Variants in SYTL5 observed in about 807,000 individuals in gnomAD.
The protein encoded by SYTL5 is synaptotagmin like 5.
SYTL5 carries 34 observed loss-of-function variants against 55.9 expected under a neutral mutation model. The observed-to-expected ratio is 0.61, with a 90% CI of 0.46 to 0.81. SYTL5 has a LOEUF of 0.81. Among genes scored for constraint, SYTL5 ranks in the 30% least tolerant of loss-of-function variants. The pLI is 0.00. For synonymous variants in SYTL5, 221 were observed against 188.7 expected (o/e 1.17, Z -1.40); for missense variants, 637 against 546.7 (o/e 1.17, Z -1.65).
At chrX:37,897,000 G>T in the SYTL5 span, among the ~76,000 whole-genome samples, 1 of 111,712 alleles carries the variant, frequency 9.0e-6, no homozygotes, top group Non-Finnish European at 1.9e-5. Flanking sequence ...AAATAACTTT[G>T]TCAGGGAAGG....
chrX:38,031,686 A>T (rs965563851), intron 1 of SYTL5, among the ~76,000 whole-genome samples: 13 of 112,159 alleles, frequency 1.2e-4, no homozygotes, highest in African/African-American at 9.7e-5. Context: ...TTTCCATTTC[A>T]TCACAATACC....
At chrX:37,988,772 A>G in the SYTL5 span, among the ~76,000 whole-genome samples, 1 of 112,140 alleles carries the variant, frequency 8.9e-6, no homozygotes, top group Middle Eastern at 4.6e-3. Context: ...TAGTAACATA[A>G]TATCAGAAAA....
intron 9 of SYTL5, among the ~76,000 whole-genome samples, chrX:38,096,809 T>C (rs1012938123): frequency 9.0e-6 from 1 of 111,377 alleles, no homozygotes; most frequent in South Asian, 3.7e-4. Context: ...ATGGTATTGA[T>C]AGTTTTTCCA....
intron 2 of SYTL5, among the ~76,000 whole-genome samples, chrX:38,050,193 A>G (rs1385046717): frequency 8.9e-6 from 1 of 112,356 alleles, no homozygotes; most frequent in Non-Finnish European, 1.9e-5. Flanking sequence ...TAAAATTCCT[A>G]TCTTATTTGG....
At chrX:38,042,273 TG>T (rs1319228057) in intron 2 of SYTL5, among the ~76,000 whole-genome samples, 1 of 110,240 alleles carries the variant, frequency 9.1e-6, no homozygotes, top group Non-Finnish European at 1.9e-5. Flanking sequence ...CAGTATAGGC[TG>T]GGGATTGGTT....
chrX:38,107,704 T>C (rs1937253613), intron 11 of SYTL5, among the ~76,000 whole-genome samples: 1 of 111,421 alleles, frequency 9.0e-6, no homozygotes, highest in African/African-American at 3.3e-5. Flanking sequence ...TTCTGCACAA[T>C]AGATGACCTA....
At chrX:38,091,957 G>A (rs1381054324) in intron 7 of SYTL5, among the ~76,000 whole-genome samples, 1 of 111,421 alleles carries the variant, frequency 9.0e-6, no homozygotes, top group African/African-American at 3.3e-5. Flanking sequence ...TCTCATTCTT[G>A]CAATCTAGCT....
At chrX:38,086,223 T>C (rs1258146081) in intron 6 of SYTL5, among the ~76,000 whole-genome samples, 1 of 111,288 alleles carries the variant, frequency 9.0e-6, no homozygotes, top group African/African-American at 3.3e-5. Context: ...ATGTTTTTCA[T>C]AGGTAAGAAA....
chrX:37,905,237 AGG>A, the SYTL5 span, among the ~76,000 whole-genome samples: 57 of 110,670 alleles, frequency 5.2e-4, no homozygotes, highest in African/African-American at 1.8e-3. Context: ...TCCAAGACCC[AGG>A]GGGGATATGA....
chrX:37,929,446 T>G, the SYTL5 span, among the ~76,000 whole-genome samples: 1 of 112,402 alleles, frequency 8.9e-6, no homozygotes, highest in Non-Finnish European at 1.9e-5. Flanking sequence ...TACCCTCTGT[T>G]TACCACAAAG....
At chrX:38,029,355 C>T (rs2224286) in intron 1 of SYTL5, among the ~76,000 whole-genome samples, 25,988 of 111,617 alleles carry the variant, frequency 0.23, 5,336 homozygotes, top group African/African-American at 0.66. Flanking sequence ...TTACCAAAAA[C>T]GCATTTCAGT....
intron 15 of SYTL5, among the ~76,000 whole-genome samples, chrX:38,122,736 G>A (rs1159897318): frequency 8.9e-6 from 1 of 112,178 alleles, no homozygotes; most frequent in Non-Finnish European, 1.9e-5. Context: ...GCAAAGGGCA[G>A]CTTCCTGAGG....
chrX:37,994,004 C>A, the SYTL5 span, among the ~76,000 whole-genome samples: 20 of 111,121 alleles, frequency 1.8e-4, no homozygotes, highest in African/African-American at 6.6e-4. Context: ...CTAGGGTGAC[C>A]AGGTTCCTCT....
intron 3 of SYTL5, among the ~76,000 whole-genome samples, chrX:38,071,829 T>C (rs1252622629): frequency 8.9e-6 from 1 of 112,147 alleles, no homozygotes; most frequent in African/African-American, 3.2e-5. Context: ...GGTTGCTATG[T>C]GGATAAAAAT....
At chrX:37,958,145 G>T in the SYTL5 span, among the ~76,000 whole-genome samples, 5 of 108,829 alleles carry the variant, frequency 4.6e-5, no homozygotes, top group Admixed American at 9.8e-5. Context: ...GGAGGCGAAG[G>T]TTACAGTGAG....
chrX:38,013,955 A>G (rs776759824), intron 1 of SYTL5, among the ~76,000 whole-genome samples: 94 of 111,227 alleles, frequency 8.5e-4, no homozygotes, highest in African/African-American at 2.9e-3. Flanking sequence ...CACAGGAGCC[A>G]GGTAGCATCA....
chrX:37,960,507 T>A, the SYTL5 span, among the ~76,000 whole-genome samples: 4 of 111,969 alleles, frequency 3.6e-5, no homozygotes, highest in African/African-American at 6.5e-5. Flanking sequence ...TGAACATAGT[T>A]CAGCCAAGAT....
the SYTL5 span, among the ~76,000 whole-genome samples, chrX:37,956,900 C>G: frequency 8.9e-6 from 1 of 111,811 alleles, no homozygotes; most frequent in Non-Finnish European, 1.9e-5. Flanking sequence ...ATTCTACAGT[C>G]CCACTAACAC....
chrX:38,088,320 T>G (rs1453953694), intron 6 of SYTL5, among the ~76,000 whole-genome samples: 1 of 112,208 alleles, frequency 8.9e-6, no homozygotes, highest in Non-Finnish European at 1.9e-5. Context: ...CTGTAAGTCC[T>G]CATCACTATT....
Sources: allele counts gnomAD v4.1 joint callset (sites outside exome capture counted in the v4.1 genomes callset), GRCh38; gene constraint gnomAD v4.1.1; transcripts MANE v1.5; gene names NCBI Gene and HGNC (gene_info 2026-07-23, HGNC 2026-07-21).